Variants in VAV2 observed in about 807,000 individuals in gnomAD.
The protein encoded by VAV2 is guanine nucleotide exchange factor VAV2.
In VAV2, 67 loss-of-function variants were observed where a neutral mutation model predicts 132.5. The observed-to-expected ratio is 0.51, with a 90% confidence interval of 0.42 to 0.62. VAV2 has a LOEUF of 0.62. Ranked by LOEUF, VAV2 falls within the 20% of genes least tolerant of loss-of-function variation. The probability of loss-of-function intolerance (pLI) is 0.00; values close to 1 mark genes in which losing one functional copy is unlikely to be tolerated. For synonymous variants in VAV2, 492 were observed against 443.5 expected, an observed-to-expected ratio of 1.11 and a Z score of -1.37; for missense variants, 938 against 1,153.6, an observed-to-expected ratio of 0.81 and a Z score of 2.71.
intron 19 of VAV2, 128 bp from the exon 20 acceptor site, chr9:133,780,838 G>A (rs1833983420): frequency 9.4e-7 from 1 of 1,068,018 alleles, no homozygotes; most frequent in African/African-American, 1.6e-5. Context: ...GCTACAAAGT[G>A]GTCTGTTTTG....
rs1008620928 is a variant in VAV2 at position 133,935,106 on chromosome 9, G to A, written c.321+3997C>T. ...CTGGGGAGAAACAGCTGCCACCCCC[G>A]TCCTGGGCAGGCCAAGGGTGGGAGG... On this transcript the variant is annotated intron_variant, in intron 2 of 29. Transcript: ENST00000371850. This position sits in a 1 kb window ranked among gnomAD's most constrained non-coding sequence, Gnocchi z 5.2. 3.5e-5 allele frequency among the ~76,000 whole-genome samples: 5 copies of A among 142,470 alleles called. No individual in the cohort carries two copies. Among genetic ancestry groups the A allele is most frequent in the East Asian group, 2.4e-4 (1 of 4,254 alleles). 93.5% of individuals were successfully genotyped at this position (142,470 alleles called of 152,430 possible).
Position 133,769,386 on chromosome 9 carries a change from G to A in VAV2, c.2434+31C>T, listed in dbSNP as rs779514716. The A allele has an allele frequency of 4.7e-5, 74 of 1,589,622 alleles. No individual in the cohort carries two copies. The highest frequency in any genetic ancestry group is 1.2e-4 in the African/African-American group (9 of 74,408). On this transcript the variant is annotated intron_variant, in intron 28 of 29. Coordinates refer to ENST00000371850, the MANE Select transcript of VAV2 (RefSeq NM_001134398.2). The surrounding 1 kb of genome is among the most constrained non-coding windows in gnomAD (Gnocchi z 8.1). ...CTCCCAAGGCAGCTGCCACAGGCCC[G>A]GTCCCCCCACGCCCTGGGGAGCAGC...
At chr9:133,933,793 GTGGA>G (rs1251786297) in intron 2 of VAV2, among the ~76,000 whole-genome samples, 8 of 139,254 alleles carry the variant, frequency 5.7e-5, no homozygotes, top group African/African-American at 1.3e-4. Flanking sequence ...TGGACGGATG[GTGGA>G]TGGATGAATG....
intron 1 of VAV2, among the ~76,000 whole-genome samples, chr9:133,979,549 G>A (rs2132285518): frequency 6.6e-6 from 1 of 152,310 alleles, no homozygotes; most frequent in Middle Eastern, 3.4e-3. Context: ...CAGGGAGGGA[G>A]GACAAGCAAA....
chr9:133,808,275 T>TG, intron 7 of VAV2, among the ~76,000 whole-genome samples: 1 of 152,116 alleles, frequency 6.6e-6, no homozygotes, highest in East Asian at 1.9e-4. Context: ...GACCAGAGGG[T>TG]GGGGCAGCAG....
At chr9:133,791,432 G>A (rs1834456166) in intron 13 of VAV2, among the ~76,000 whole-genome samples, 2 of 152,116 alleles carry the variant, frequency 1.3e-5, no homozygotes, top group South Asian at 2.1e-4. Context: ...CCTGCCCCTG[G>A]GAGACACAGT....
intron 2 of VAV2, among the ~76,000 whole-genome samples, chr9:133,887,648 C>A (rs1838765185): frequency 6.6e-6 from 1 of 152,124 alleles, no homozygotes. Context: ...CCAGCAGAGA[C>A]CCTCCCCAAC....
At position 133,788,640 on chromosome 9, in the gene VAV2, G is replaced by A. The variant is rs774754235; in HGVS notation, c.1275-154C>T. 4.6e-5 allele frequency among the ~76,000 whole-genome samples: 7 copies of A among 152,096 alleles called. No individual in the cohort carries two copies. The highest frequency in any genetic ancestry group is 1.4e-4 in the African/African-American group (6 of 41,426). On this transcript the variant is annotated intron_variant, in intron 14 of 29. Transcript: ENST00000371850. The surrounding 1 kb of genome is among the most constrained non-coding windows in gnomAD (Gnocchi z 5.3). ...GCTCACCAGGCTAATGCTGAGCCTC[G>A]GTCAGGTCTCGGCTGTTCCCACACT...
In VAV2 at chr9:133,903,824, C is replaced by T. The variant is rs185926473; in HGVS notation, c.321+35279G>A. Among the ~76,000 whole-genome samples the T allele has an allele frequency of 2.8e-4, 43 of 152,188 alleles. No homozygotes were observed. In the East Asian group the frequency reaches 3.9e-3, roughly 14 times the overall value. ...ACTTCGTCAGGTCCACACTGAGACC[C>T]GGAGAGGGCTCGGGGAGGCAGAGAC... On this transcript the variant is annotated intron_variant, in intron 2 of 29. Coordinates refer to ENST00000371850, the MANE Select transcript of VAV2 (RefSeq NM_001134398.2).
chr9:133,788,285 G>A lies in VAV2; in HGVS notation c.1407+69C>T, dbSNP rs1242964518. The A allele has an allele frequency of 2.0e-6, 3 of 1,524,284 alleles. No homozygotes were observed. Among genetic ancestry groups the A allele is most frequent in the African/African-American group, 1.4e-5 (1 of 72,808 alleles). The allele number at this position is 1,524,284 out of a possible 1,614,324, so 94.4% of individuals were successfully genotyped here. A position where few individuals can be genotyped will look rare whatever the true frequency, so the allele number is the denominator to read the frequency against. ...TTCGAGTCCCCTTCCCCTGGGGTCT[G>A]GAACCCAGTGCCTCTCTCCAGGCCA... On this transcript the variant is annotated intron_variant, in intron 15 of 29. Coordinates refer to ENST00000371850, the MANE Select transcript of VAV2 (RefSeq NM_001134398.2). The surrounding 1 kb of genome is among the most constrained non-coding windows in gnomAD (Gnocchi z 5.3).
rs536212738 is a variant in VAV2, at chr9:133,939,408, G to A, written c.205-189C>T. The A allele has an allele frequency of 2.5e-4, 155 of 622,814 alleles. No homozygotes were observed. The African/African-American group carries it at 2.7e-3, about 11-fold the overall frequency. The allele number at this position is 622,814 out of a possible 1,614,324, so 38.6% of individuals were successfully genotyped here. A position where few individuals can be genotyped will look rare whatever the true frequency, so the allele number is the denominator to read the frequency against. On this transcript the variant is annotated intron_variant, in intron 1 of 29. Coordinates refer to ENST00000371850, the MANE Select transcript of VAV2 (RefSeq NM_001134398.2). ...ACCCCCCGTCCCAAGGCTGGGGGGT[G>A]AGAAGCCAGGCCTGGATGGAAGTGG...
At chr9:133,774,230 A>G (rs1352081081) in intron 25 of VAV2, among the ~76,000 whole-genome samples, 1 of 152,170 alleles carries the variant, frequency 6.6e-6, no homozygotes, top group Admixed American at 6.5e-5. Context: ...TACAGCACCC[A>G]TCTTGTTTCT....
intron 1 of VAV2, among the ~76,000 whole-genome samples, chr9:133,959,051 GGCCC>G (rs1841883861): frequency 1.1e-4 from 2 of 18,978 alleles, no homozygotes; most frequent in African/African-American, 1.7e-4. Context: ...CAGCCCCAGG[GGCCC>G]AGGCCCAGGC....
At position 133,992,108 on chromosome 9, in the gene VAV2, G is replaced by C; in HGVS notation, c.171C>G (p.Leu57=). The C allele has an allele frequency of 6.3e-7, 1 of 1,590,596 alleles. No individual in the cohort carries two copies. The highest frequency in any genetic ancestry group is 8.6e-7 in the Non-Finnish European group (1 of 1,169,538). The stretch of plus-strand genomic sequence containing the variant: ...TCTGCGGCCGGAAGTTGATGTCCTT[G>C]AGGTCGATGGAGCCGGGGGAGAGGT... ...LHNLSPGSID[L]KDINFRPQMS... Residue 57 remains leucine (L), a synonymous_variant, in exon 1 of 30, where the codon CTC becomes CTG. Transcript: ENST00000371850. This position sits in a 1 kb window ranked among gnomAD's most constrained non-coding sequence, Gnocchi z 5.5.
intron 1 of VAV2, among the ~76,000 whole-genome samples, chr9:133,970,412 G>A (rs371148575): frequency 3.1e-4 from 47 of 152,186 alleles, no homozygotes; most frequent in Admixed American, 2.9e-3. Context: ...TGGCCCACAC[G>A]AGGCCACCGA....
chr9:133,925,073 G>A (rs1294040038), intron 2 of VAV2, among the ~76,000 whole-genome samples: 1 of 152,246 alleles, frequency 6.6e-6, no homozygotes, highest in African/African-American at 2.4e-5. Flanking sequence ...GATGGGGCAA[G>A]AGGAAATGGG....
chr9:133,841,387 A>G (rs1836717554), intron 3 of VAV2, among the ~76,000 whole-genome samples: 1 of 151,216 alleles, frequency 6.6e-6, no homozygotes, highest in Admixed American at 6.6e-5. Flanking sequence ...TATTGAGTGG[A>G]CTCCAGGGCT....
intron 2 of VAV2, chr9:133,925,960 C>A (rs1588379525): frequency 2.0e-5 from 2 of 97,764 alleles, no homozygotes; most frequent in Admixed American, 1.5e-4. Flanking sequence ...TGGGGAGAAA[C>A]AATTAACCAT....
chr9:133,785,806 C>T lies in VAV2; in HGVS notation c.1502G>A (p.Arg501Lys). ...CATCTCAAACTGCTCCATCCACTTC[C>T]TCTTCATATCTTCTGTTTTGCAGAA... is the stretch of plus-strand genomic sequence containing the variant. Reference protein sequence around the residue: ...QFFCKTEDMKRKWMEQFEMAM... With the variant: ...QFFCKTEDMKKKWMEQFEMAM... Residue 501 changes from arginine to lysine, a missense_variant, in exon 17 of 30, where the codon AGG becomes AAG. Coordinates refer to ENST00000371850, the MANE Select transcript of VAV2 (RefSeq NM_001134398.2). 1 of 1,614,070 alleles carries T rather than the reference C, an allele frequency of 6.2e-7. No individual in the cohort carries two copies. Among genetic ancestry groups the T allele is most frequent in the Non-Finnish European group, 8.5e-7 (1 of 1,180,000 alleles).
Sources: gnomAD v4.1 joint callset for allele counts (sites outside exome capture counted in the v4.1 genomes callset) on GRCh38, gnomAD v4.1.1 for gene constraint, Gnocchi (gnomAD v3.1) non-coding constraint, MANE v1.5 for transcripts, NCBI Gene and HGNC (gene_info 2026-07-23, HGNC 2026-07-21) for gene names.